Variants in STXBP5L observed in about 807,000 individuals in gnomAD.
The protein encoded by STXBP5L is syntaxin binding protein 5L, also known as syntaxin-binding protein 5-like.
STXBP5L carries 65 observed loss-of-function variants against 144.5 expected under a neutral mutation model. The observed-to-expected ratio is 0.45, with a 90% CI of 0.37 to 0.55. The LOEUF is 0.55. Among genes scored for constraint, STXBP5L ranks in the 20% least tolerant of loss-of-function variants. STXBP5L has a pLI of 0.00. For synonymous variants in STXBP5L, 505 were observed against 469.6 expected (o/e 1.08, Z -0.97); for missense variants, 1,298 against 1,405.5 (o/e 0.92, Z 1.22).
At chr3:121,121,968 C>G (rs962220519) in intron 7 of STXBP5L, among the ~76,000 whole-genome samples, 2 of 150,718 alleles carry the variant, frequency 1.3e-5, no homozygotes, top group Non-Finnish European at 3.0e-5. Context: ...ACATGTAGAA[C>G]AACTTTAATT....
chr3:121,236,316 C>G (rs1308296110), intron 12 of STXBP5L, among the ~76,000 whole-genome samples: 2 of 152,060 alleles, frequency 1.3e-5, no homozygotes, highest in Non-Finnish European at 2.9e-5. Flanking sequence ...TTGTCTTAGT[C>G]CCTTTTATAT....
At chr3:121,211,535 T>C (rs1171620552) in intron 10 of STXBP5L, among the ~76,000 whole-genome samples, 1 of 151,512 alleles carries the variant, frequency 6.6e-6, no homozygotes, top group Non-Finnish European at 1.5e-5. Flanking sequence ...CTATTTTTTC[T>C]ACATCTTCTC....
At chr3:121,004,883 G>C (rs925790611) in intron 3 of STXBP5L, among the ~76,000 whole-genome samples, 3 of 152,142 alleles carry the variant, frequency 2.0e-5, no homozygotes, top group Non-Finnish European at 4.4e-5. Flanking sequence ...AACCAGCCTT[G>C]CATCCCAGGG....
intron 20 of STXBP5L, among the ~76,000 whole-genome samples, chr3:121,353,764 A>C (rs1412418970): frequency 6.6e-6 from 1 of 151,768 alleles, no homozygotes; most frequent in East Asian, 1.9e-4. Flanking sequence ...AGCTCTTTTA[A>C]TTGTGATGTT....
chr3:121,132,689 C>T (rs1328179395), intron 7 of STXBP5L, among the ~76,000 whole-genome samples: 1 of 152,240 alleles, frequency 6.6e-6, no homozygotes, highest in African/African-American at 2.4e-5. Flanking sequence ...ATTTATATGA[C>T]TTACTTGATA....
intron 5 of STXBP5L, among the ~76,000 whole-genome samples, chr3:121,102,374 A>G (rs56106401): frequency 3.3e-5 from 5 of 151,976 alleles, no homozygotes; most frequent in African/African-American, 1.2e-4. Flanking sequence ...AGATAGACCA[A>G]TGGAACAGAA....
intron 5 of STXBP5L, chr3:121,099,034 C>T (rs934606300): frequency 3.9e-5 from 6 of 152,146 alleles, no homozygotes; most frequent in African/African-American, 1.4e-4. Context: ...TATATACATT[C>T]GTAAGCTTCC....
chr3:120,978,187 A>G (rs1941310881), intron 3 of STXBP5L, among the ~76,000 whole-genome samples: 1 of 152,204 alleles, frequency 6.6e-6, no homozygotes, highest in Admixed American at 6.5e-5. Context: ...TACACCAATC[A>G]GATGTAGATT....
chr3:121,008,584 A>T (rs1944528425), intron 3 of STXBP5L, among the ~76,000 whole-genome samples: 1 of 152,058 alleles, frequency 6.6e-6, no homozygotes, highest in Admixed American at 6.6e-5. Flanking sequence ...CATCTTGAAT[A>T]ATAACACACT....
chr3:121,074,079 G>T (rs7615991), intron 5 of STXBP5L, among the ~76,000 whole-genome samples: 2 of 152,076 alleles, frequency 1.3e-5, no homozygotes, highest in African/African-American at 4.8e-5. Context: ...GGGTCACTTG[G>T]TGGCACAAAA....
intron 20 of STXBP5L, among the ~76,000 whole-genome samples, chr3:121,369,300 T>G (rs1305287221): frequency 1.3e-5 from 2 of 152,048 alleles, no homozygotes; most frequent in East Asian, 3.9e-4. Context: ...ATCTAGAGTG[T>G]TCTGGTGCTT....
chr3:121,206,744 G>T (rs1273541615), intron 10 of STXBP5L, among the ~76,000 whole-genome samples: 1 of 152,144 alleles, frequency 6.6e-6, no homozygotes, highest in Non-Finnish European at 1.5e-5. Context: ...AGCCCAGGAG[G>T]TGGAGGTTGC....
intron 25 of STXBP5L, among the ~76,000 whole-genome samples, chr3:121,416,968 G>T (rs2047254322): frequency 6.6e-6 from 1 of 151,994 alleles, no homozygotes; most frequent in African/African-American, 2.4e-5. Flanking sequence ...TCATACAATA[G>T]AATATTATTT....
intron 3 of STXBP5L, among the ~76,000 whole-genome samples, chr3:121,002,217 T>C (rs753102095): frequency 6.6e-6 from 1 of 152,146 alleles, no homozygotes. Context: ...TCAACACTTA[T>C]CTTTCTTCTC....
At chr3:120,960,237 A>G (rs528232025) in intron 3 of STXBP5L, among the ~76,000 whole-genome samples, 2 of 152,318 alleles carry the variant, frequency 1.3e-5, no homozygotes, top group African/African-American at 2.4e-5. Context: ...TAGAATGGCA[A>G]TCATTAAAAA....
chr3:121,050,838 C>G (rs1198619797), intron 5 of STXBP5L, among the ~76,000 whole-genome samples: 1 of 152,032 alleles, frequency 6.6e-6, no homozygotes, highest in Non-Finnish European at 1.5e-5. Context: ...TTCAGGAAAC[C>G]CATCTCATGT....
intron 3 of STXBP5L, among the ~76,000 whole-genome samples, chr3:120,975,868 C>A (rs965897895): frequency 6.6e-6 from 1 of 152,038 alleles, no homozygotes; most frequent in Non-Finnish European, 1.5e-5. Flanking sequence ...GTATATTGAA[C>A]CAGCCTTGCA....
intron 5 of STXBP5L, among the ~76,000 whole-genome samples, chr3:121,112,145 G>A (rs994745350): frequency 1.3e-5 from 2 of 151,938 alleles, no homozygotes; most frequent in Admixed American, 6.6e-5. Context: ...CCAGGACTCA[G>A]TCATCTTAGG....
rs1031699198 is a variant in STXBP5L, at chr3:121,415,959, G to C, written c.3217G>C (p.Glu1073Gln). Residue 1073 changes from glutamate (E) to glutamine (Q), a missense_variant, in exon 25 of 27, where the codon GAA becomes CAA. Glu to Gln is a conservative substitution (Grantham distance 29, BLOSUM62 2). Coordinates refer to ENST00000471454, the MANE Select transcript of STXBP5L (RefSeq NM_001308330.2). ...TGGAAGCGGACAAACATTTGACAGA[G>C]AAGAGCTCTGTGAGTAAATTCCTGA... ...FGGSGQTFDR[E>Q]ELFGEASAGK... The C allele has an allele frequency of 6.2e-7, 1 of 1,612,246 alleles. No homozygotes were observed. Among genetic ancestry groups the C allele is most frequent in the African/African-American group, 1.3e-5 (1 of 74,854 alleles).
Sources: gnomAD v4.1 joint callset for allele counts (sites outside exome capture counted in the v4.1 genomes callset) on GRCh38, gnomAD v4.1.1 for gene constraint, MANE v1.5 for transcripts, NCBI Gene and HGNC (gene_info 2026-07-23, HGNC 2026-07-21) for gene names.